Variants in NKAIN2 observed in about 807,000 individuals in gnomAD.
The protein encoded by NKAIN2 is sodium/potassium-transporting ATPase subunit beta-1-interacting protein 2.
Under a neutral mutation model 32.6 loss-of-function variants are expected in NKAIN2, and 14 were observed. The ratio of observed to expected loss-of-function variants is 0.43; its 90% CI spans 0.28 to 0.67. The LOEUF (loss-of-function observed/expected upper bound fraction) is 0.67, where lower values mean the gene tolerates loss of function less well. Ranked by LOEUF, NKAIN2 falls within the 30% of genes least tolerant of loss-of-function variation. The pLI is 0.17. For synonymous variants in NKAIN2, 80 were observed against 87.2 expected (o/e 0.92, Z 0.46); for missense variants, 198 against 258.3 (o/e 0.77, Z 1.60).
chr6:124,631,030 G>C (rs751533161), intron 3 of NKAIN2, among the ~76,000 whole-genome samples: 5 of 152,110 alleles, frequency 3.3e-5, no homozygotes, highest in Non-Finnish European at 5.9e-5. Context: ...TGCTTAAATT[G>C]CTTGAATTTT....
intron 1 of NKAIN2, among the ~76,000 whole-genome samples, chr6:124,061,955 G>A (rs1472908584): frequency 6.6e-6 from 1 of 152,056 alleles, no homozygotes; most frequent in East Asian, 1.9e-4. Flanking sequence ...AAATAACAAA[G>A]AAAAAGAATG....
intron 5 of NKAIN2, 63 bp downstream of exon 5, chr6:124,791,462 C>T (rs1031904753): frequency 7.4e-6 from 8 of 1,086,400 alleles, no homozygotes; most frequent in Non-Finnish European, 9.8e-6. Flanking sequence ...CTGCCTCCTA[C>T]TTAGCCTTCC....
At chr6:123,963,016 G>T (rs1777918842) in intron 1 of NKAIN2, among the ~76,000 whole-genome samples, 1 of 152,130 alleles carries the variant, frequency 6.6e-6, no homozygotes, top group Admixed American at 6.6e-5. Context: ...GCTTGTGGTG[G>T]TGGGTGGTCC....
intron 1 of NKAIN2, among the ~76,000 whole-genome samples, chr6:124,260,071 A>G (rs886314490): frequency 1.3e-5 from 2 of 152,228 alleles, no homozygotes; most frequent in Non-Finnish European, 2.9e-5. Flanking sequence ...AAATCACTCT[A>G]ATAACAAGCA....
At chr6:124,445,311 A>C (rs982313741) in intron 3 of NKAIN2, among the ~76,000 whole-genome samples, 2 of 152,070 alleles carry the variant, frequency 1.3e-5, no homozygotes, top group Admixed American at 1.3e-4. Context: ...TGTTGTCCCT[A>C]TATTACTTTT....
intron 2 of NKAIN2, among the ~76,000 whole-genome samples, chr6:124,297,516 C>T (rs1450007855): frequency 6.6e-6 from 1 of 151,832 alleles, no homozygotes; most frequent in Non-Finnish European, 1.5e-5. Context: ...GGAAACTGGC[C>T]CCCCTGCCCC....
At chr6:124,353,975 T>A (rs1284875337) in intron 2 of NKAIN2, among the ~76,000 whole-genome samples, 1 of 152,166 alleles carries the variant, frequency 6.6e-6, no homozygotes, top group Non-Finnish European at 1.5e-5. Flanking sequence ...TTGGCATTTG[T>A]TTAGAAGGGA....
At chr6:124,579,021 C>G (rs955322354) in intron 3 of NKAIN2, among the ~76,000 whole-genome samples, 7 of 152,200 alleles carry the variant, frequency 4.6e-5, no homozygotes, top group Non-Finnish European at 8.8e-5. Flanking sequence ...GCGCAAGCCA[C>G]AGCATTATTG....
At chr6:124,567,966 TGTTA>T (rs1186233250) in intron 3 of NKAIN2, among the ~76,000 whole-genome samples, 2 of 152,160 alleles carry the variant, frequency 1.3e-5, no homozygotes, top group African/African-American at 4.8e-5. Flanking sequence ...CGAGCTTGAC[TGTTA>T]GATGCAGGTG....
intron 1 of NKAIN2, among the ~76,000 whole-genome samples, chr6:124,017,844 G>A (rs944830447): frequency 6.6e-6 from 1 of 152,074 alleles, no homozygotes; most frequent in African/African-American, 2.4e-5. Context: ...CAGGTGCACA[G>A]TGTGAGCATT....
intron 1 of NKAIN2, among the ~76,000 whole-genome samples, chr6:123,866,580 G>A (rs1329411055): frequency 1.3e-5 from 2 of 151,992 alleles, no homozygotes; most frequent in South Asian, 2.1e-4. Flanking sequence ...ACAGACGCCC[G>A]CCACCAAGCC....
At chr6:124,269,433 TTTTC>T (rs149121065) in intron 1 of NKAIN2, among the ~76,000 whole-genome samples, 60,215 of 145,236 alleles carry the variant, frequency 0.41, 14,441 homozygotes, top group African/African-American at 0.68. Context: ...TTTCTTTTTC[TTTTC>T]TTTCTTTCTT....
At chr6:123,855,255 T>C (rs993432062) in intron 1 of NKAIN2, among the ~76,000 whole-genome samples, 8 of 152,186 alleles carry the variant, frequency 5.3e-5, no homozygotes, top group African/African-American at 1.9e-4. Context: ...TGAACAAATA[T>C]TATTATCCTT....
rs192947833 is a variant in NKAIN2, at chr6:124,278,603, T to C, written c.55-4402T>C. Reference sequence around the variant, plus strand: ...ATAATAGCTTATATACATATATATATACATACACACACGTACATACACACA... The same window carrying C: ...ATAATAGCTTATATACATATATATACACATACACACACGTACATACACACA... On this transcript the variant is annotated intron_variant, in intron 1 of 6. Transcript: ENST00000368417. Among the ~76,000 whole-genome samples, 1,154 of 144,752 alleles carry C rather than the reference T, an allele frequency of 8.0e-3. 20 individuals are homozygous for C. The highest frequency in any genetic ancestry group is 0.028 in the African/African-American group (1,097 of 39,616). The allele number at this position is 144,752 out of a possible 152,430, so 95.0% of individuals were successfully genotyped here.
At chr6:124,013,610 G>A (rs1270712230) in intron 1 of NKAIN2, among the ~76,000 whole-genome samples, 3 of 152,256 alleles carry the variant, frequency 2.0e-5, no homozygotes, top group South Asian at 2.1e-4. Flanking sequence ...ATACTGGTCC[G>A]CAAAAGATGT....
At chr6:124,507,637 T>C (rs1258949661) in intron 3 of NKAIN2, among the ~76,000 whole-genome samples, 1 of 152,174 alleles carries the variant, frequency 6.6e-6, no homozygotes, top group East Asian at 1.9e-4. Flanking sequence ...CACATGACTT[T>C]TTAATAGACA....
chr6:123,845,495 T>C (rs1471118227), intron 1 of NKAIN2, among the ~76,000 whole-genome samples: 2 of 152,264 alleles, frequency 1.3e-5, no homozygotes, highest in Non-Finnish European at 2.9e-5. Context: ...AATTGTATAA[T>C]TTGGGTTTCT....
At chr6:124,748,344 T>G (rs1777539132) in intron 4 of NKAIN2, among the ~76,000 whole-genome samples, 1 of 152,082 alleles carries the variant, frequency 6.6e-6, no homozygotes, top group African/African-American at 2.4e-5. Context: ...AATAAGTCAA[T>G]GAATAAGTGA....
At chr6:123,896,470 A>G (rs894256847) in intron 1 of NKAIN2, among the ~76,000 whole-genome samples, 4 of 152,200 alleles carry the variant, frequency 2.6e-5, no homozygotes, top group African/African-American at 9.7e-5. Flanking sequence ...AGTGTTAGCT[A>G]GTCAAAGACT....
Sources: allele counts gnomAD v4.1 joint callset (sites outside exome capture counted in the v4.1 genomes callset), GRCh38; gene constraint gnomAD v4.1.1; transcripts MANE v1.5; gene names NCBI Gene and HGNC (gene_info 2026-07-23, HGNC 2026-07-21).